Variants in ACAD11 observed in about 807,000 individuals in gnomAD.
The protein encoded by ACAD11 is acyl-Coenzyme A dehydrogenase family, member 11.
Under a neutral mutation model 102.2 loss-of-function variants are expected in ACAD11, and 83 were observed. That is an observed-to-expected ratio of 0.81 (90% CI 0.68 to 0.97). ACAD11 has a LOEUF of 0.97. Among genes scored for constraint, ACAD11 ranks in the 50% least tolerant of loss-of-function variants. ACAD11 has a pLI of 0.00. For synonymous variants in ACAD11, 324 were observed against 319.8 expected, an observed-to-expected ratio of 1.01 and a Z score of -0.14; for missense variants, 901 against 951.7, an observed-to-expected ratio of 0.95 and a Z score of 0.70.
At chr3:132,595,228 T>C (rs2107812340) in intron 13 of ACAD11, among the ~76,000 whole-genome samples, 1 of 152,284 alleles carries the variant, frequency 6.6e-6, no homozygotes, top group African/African-American at 2.4e-5. Context: ...ACAGAGCACA[T>C]TCCAGCAGAC....
chr3:132,563,279 C>T (rs1171080395), intron 17 of ACAD11, among the ~76,000 whole-genome samples: 4 of 152,100 alleles, frequency 2.6e-5, no homozygotes, highest in Non-Finnish European at 5.9e-5. Flanking sequence ...ATTGTTTTGG[C>T]TACTTTAGTG....
chr3:132,581,142 G>C (rs1320544418), intron 13 of ACAD11, among the ~76,000 whole-genome samples: 1 of 151,858 alleles, frequency 6.6e-6, no homozygotes, highest in Non-Finnish European at 1.5e-5. Flanking sequence ...GTTTCAGAGA[G>C]AATAAAACAA....
At chr3:132,559,532 A>G (rs1936982832) in intron 19 of ACAD11, among the ~76,000 whole-genome samples, 1 of 152,068 alleles carries the variant, frequency 6.6e-6, no homozygotes, top group Non-Finnish European at 1.5e-5. Flanking sequence ...ATCAGGATCT[A>G]TATATTAGAT....
chr3:132,622,049 C>CAAA (rs1939630129), intron 9 of ACAD11, among the ~76,000 whole-genome samples: 2 of 148,822 alleles, frequency 1.3e-5, no homozygotes, highest in South Asian at 4.3e-4. Flanking sequence ...GAATATAGAA[C>CAAA]AAAAATATTG....
chr3:132,656,895 A>T (rs944636803), intron 1 of ACAD11, among the ~76,000 whole-genome samples: 2 of 151,858 alleles, frequency 1.3e-5, no homozygotes, highest in African/African-American at 4.8e-5. Context: ...ACAGTATAAT[A>T]AAGTTGAGCA....
chr3:132,655,282 A>G (rs2107908249), intron 1 of ACAD11, among the ~76,000 whole-genome samples: 1 of 152,274 alleles, frequency 6.6e-6, no homozygotes, highest in East Asian at 1.9e-4. Context: ...GTCAACTCTC[A>G]ACACAAGAAG....
intron 13 of ACAD11, among the ~76,000 whole-genome samples, chr3:132,594,611 T>C (rs966553425): frequency 1.3e-5 from 2 of 152,144 alleles, no homozygotes; most frequent in Non-Finnish European, 2.9e-5. Context: ...GTACCAACAA[T>C]ACAGTGAAAA....
intron 13 of ACAD11, among the ~76,000 whole-genome samples, chr3:132,584,621 T>A (rs1405707547): frequency 1.3e-5 from 2 of 152,240 alleles, no homozygotes; most frequent in African/African-American, 4.8e-5. Flanking sequence ...GCTGGTTATT[T>A]TGCTCATTGG....
intron 9 of ACAD11, among the ~76,000 whole-genome samples, chr3:132,622,555 A>C (rs1447676360): frequency 6.6e-6 from 1 of 152,190 alleles, no homozygotes; most frequent in Non-Finnish European, 1.5e-5. Flanking sequence ...TAATTTTAAA[A>C]TTTGTATTAT....
chr3:132,648,100 A>T (rs533280820), intron 1 of ACAD11, among the ~76,000 whole-genome samples: 1 of 152,200 alleles, frequency 6.6e-6, no homozygotes, highest in Non-Finnish European at 1.5e-5. Context: ...AGATCATAGT[A>T]AAGCCTCATG....
intron 1 of ACAD11, chr3:132,659,348 C>A: frequency 2.0e-6 from 1 of 492,390 alleles, no homozygotes; most frequent in Non-Finnish European, 3.5e-6. Context: ...GACATAAATC[C>A]ATCCTTTAAC....
chr3:132,647,951 C>T (rs764736817), intron 1 of ACAD11, among the ~76,000 whole-genome samples: 3 of 152,134 alleles, frequency 2.0e-5, no homozygotes, highest in Non-Finnish European at 4.4e-5. Flanking sequence ...TCTTTGGGGT[C>T]TCTTTTATAA....
Position 132,603,323 on chromosome 3 carries a change from A to T in ACAD11, c.1527T>A (p.Pro509=). The T allele has an allele frequency of 6.2e-7, 1 of 1,613,636 alleles. No individual in the cohort carries two copies. Among genetic ancestry groups the T allele is most frequent in the Non-Finnish European group, 8.5e-7 (1 of 1,179,642 alleles). Residue 509 remains proline (P), a synonymous_variant, in exon 13 of 20, where the codon CCT becomes CCA. Coordinates refer to ENST00000264990, the MANE Select transcript of ACAD11 (RefSeq NM_032169.5). The part of the protein sequence containing the change: ...NITSCFCMTE[P]DVASSDATNI... Reference sequence around the variant, plus strand: ...TCGTGGCATCACTTGAAGCTACATCAGGTTCTATAAATAAACAAAAGCTGA... The same window carrying T: ...TCGTGGCATCACTTGAAGCTACATCTGGTTCTATAAATAAACAAAAGCTGA...
At chr3:132,567,097 G>C (rs1308884995) in intron 17 of ACAD11, among the ~76,000 whole-genome samples, 8 of 152,076 alleles carry the variant, frequency 5.3e-5, no homozygotes, top group Admixed American at 5.2e-4. Flanking sequence ...TTGTGCCTCA[G>C]CCTCCCGAAT....
At chr3:132,625,641 A>C (rs976889858) in intron 9 of ACAD11, among the ~76,000 whole-genome samples, 2 of 152,302 alleles carry the variant, frequency 1.3e-5, no homozygotes, top group East Asian at 3.9e-4. Context: ...CTGTGAGCAA[A>C]GTTAATCTCA....
intron 17 of ACAD11, among the ~76,000 whole-genome samples, chr3:132,574,475 T>TA (rs1407872584): frequency 2.0e-5 from 3 of 152,178 alleles, no homozygotes; most frequent in African/African-American, 7.2e-5. Flanking sequence ...GCTTTTCAGT[T>TA]AAAAAACTAT....
chr3:132,598,622 C>T (rs924089552), intron 13 of ACAD11, among the ~76,000 whole-genome samples: 6 of 152,060 alleles, frequency 3.9e-5, no homozygotes, highest in African/African-American at 1.2e-4. Context: ...AGGTCGCATC[C>T]GCGTTTATTG....
chr3:132,644,304 T>TTG (rs1392597692), intron 2 of ACAD11, among the ~76,000 whole-genome samples: 19 of 152,218 alleles, frequency 1.2e-4, no homozygotes, highest in Non-Finnish European at 2.5e-4. Flanking sequence ...AAACCTAGTT[T>TTG]TCAACAAAAA....
chr3:132,619,736 A>T (rs543762813), intron 9 of ACAD11, among the ~76,000 whole-genome samples, 191 bp from the exon 10 acceptor site: 3 of 152,222 alleles, frequency 2.0e-5, no homozygotes, highest in African/African-American at 7.2e-5. Context: ...ACAATATTAG[A>T]TAGTAGGCTA....
Sources: gnomAD v4.1 joint callset for allele counts (sites outside exome capture counted in the v4.1 genomes callset) on GRCh38, gnomAD v4.1.1 for gene constraint, MANE v1.5 for transcripts, NCBI Gene and HGNC (gene_info 2026-07-23, HGNC 2026-07-21) for gene names.